The following CCDC171 variants were observed in gnomAD, a reference collection of about 807,000 sequenced individuals.
The protein encoded by CCDC171 is coiled-coil domain containing 171, also known as coiled-coil domain-containing protein 171.
In CCDC171, 177 loss-of-function variants were observed where a neutral mutation model predicts 168.2. That is an observed-to-expected ratio of 1.05 (90% CI 0.93 to 1.19). CCDC171 has a LOEUF of 1.19. Ranked by LOEUF, CCDC171 falls within the 50% of genes most tolerant of loss-of-function variation. The pLI, the probability that CCDC171 is intolerant of heterozygous loss-of-function variation, is 0.00. For missense variants in CCDC171, 1,991 were observed against 1,539.0 expected, an observed-to-expected ratio of 1.29 and a Z score of -4.91; for synonymous variants, 687 against 540.8, an observed-to-expected ratio of 1.27 and a Z score of -3.75.
intron 25 of CCDC171, among the ~76,000 whole-genome samples, chr9:15,938,686 C>T (rs1346935790): frequency 2.6e-5 from 4 of 151,842 alleles, no homozygotes; most frequent in African/African-American, 7.2e-5. Flanking sequence ...TTTCCCAGAA[C>T]TTTGGCTTAG....
chr9:15,888,780 C>T (rs971708422), intron 24 of CCDC171, among the ~76,000 whole-genome samples: 1 of 151,910 alleles, frequency 6.6e-6, no homozygotes, highest in Non-Finnish European at 1.5e-5. Flanking sequence ...TCTGAAATTC[C>T]ACACTCCAGA....
At chr9:15,690,324 G>A (rs894830461) in intron 10 of CCDC171, among the ~76,000 whole-genome samples, 5 of 152,118 alleles carry the variant, frequency 3.3e-5, no homozygotes, top group Non-Finnish European at 5.9e-5. Flanking sequence ...TAAGAGTTTG[G>A]TACTGACAAA....
chr9:15,982,302 A>C (rs984001394), intron 3 of CCDC171, among the ~76,000 whole-genome samples: 1 of 152,202 alleles, frequency 6.6e-6, no homozygotes, highest in Non-Finnish European at 1.5e-5. Context: ...TTAGAACCGT[A>C]TTCACTCACC....
At chr9:15,562,386 T>G (rs1420555492) in intron 1 of CCDC171, among the ~76,000 whole-genome samples, 1 of 152,148 alleles carries the variant, frequency 6.6e-6, no homozygotes, top group Non-Finnish European at 1.5e-5. Flanking sequence ...GTGGCATCCC[T>G]TCATCTTTGC....
chr9:16,108,235 G>C, the CCDC171 span, among the ~76,000 whole-genome samples: 1 of 152,212 alleles, frequency 6.6e-6, no homozygotes, highest in African/African-American at 2.4e-5. Context: ...CCAGTCATTT[G>C]TAGGAGTCTG....
In CCDC171 at chr9:15,691,544, T is replaced by TATATATATATATA. The variant is rs1554762170; in HGVS notation, c.1216-3691_1216-3690insATATATATATATA. 2.3e-3 allele frequency among the ~76,000 whole-genome samples: 203 copies of TATATATATATATA among 87,678 alleles called. 2 individuals are homozygous for TATATATATATATA. Among genetic ancestry groups the TATATATATATATA allele is most frequent in the African/African-American group, 0.01 (193 of 18,570 alleles). The allele number at this position is 87,678 out of a possible 152,430, so 57.5% of individuals were successfully genotyped here. A position where few individuals can be genotyped will look rare whatever the true frequency, so the allele number is the denominator to read the frequency against. Reference sequence around the variant, plus strand: ...TTAAAAATACCTGTAAATATATGTTTTTTATATATATATATATATATATAT... The same window carrying TATATATATATATA: ...TTAAAAATACCTGTAAATATATGTTTATATATATATATATTTATATATATATATATATATATAT... On this transcript the variant is annotated intron_variant, in intron 10 of 25. Coordinates refer to ENST00000380701, the MANE Select transcript of CCDC171 (RefSeq NM_173550.4).
chr9:15,982,275 C>T (rs1054557622), intron 3 of CCDC171, among the ~76,000 whole-genome samples: 10 of 152,138 alleles, frequency 6.6e-5, no homozygotes, highest in African/African-American at 1.9e-4. Context: ...TATGGCCCAG[C>T]GTAGTGATGT....
intron 3 of CCDC171, among the ~76,000 whole-genome samples, chr9:15,993,508 C>T (rs1024907169): frequency 5.3e-5 from 8 of 152,148 alleles, no homozygotes; most frequent in African/African-American, 1.7e-4. Flanking sequence ...AAAACCTAGG[C>T]AGTACCATTC....
At chr9:15,907,920 G>A (rs1203889225) in intron 24 of CCDC171, among the ~76,000 whole-genome samples, 1 of 152,170 alleles carries the variant, frequency 6.6e-6, no homozygotes, top group South Asian at 2.1e-4. Context: ...ATCATCACTG[G>A]CCATCAGAGA....
chr9:15,735,161 G>A (rs1015803681), intron 16 of CCDC171, among the ~76,000 whole-genome samples: 8 of 152,298 alleles, frequency 5.3e-5, no homozygotes, highest in Middle Eastern at 3.4e-3. Flanking sequence ...AATGAAATTT[G>A]TAGAGAAGGC....
At chr9:15,646,032 G>A (rs1441980120) in intron 7 of CCDC171, among the ~76,000 whole-genome samples, 1 of 152,220 alleles carries the variant, frequency 6.6e-6, no homozygotes, top group East Asian at 1.9e-4. Flanking sequence ...AAGCCCATCA[G>A]ACTAACAGTG....
chr9:15,692,858 C>T (rs1375054741), intron 10 of CCDC171, among the ~76,000 whole-genome samples: 3 of 147,204 alleles, frequency 2.0e-5, no homozygotes, highest in Non-Finnish European at 3.0e-5. Flanking sequence ...GATTCTAGGC[C>T]GGGCATGGTG....
chr9:15,766,521 A>G (rs1384291865), intron 18 of CCDC171, among the ~76,000 whole-genome samples: 1 of 152,056 alleles, frequency 6.6e-6, no homozygotes, highest in Non-Finnish European at 1.5e-5. Flanking sequence ...GAAATATGAG[A>G]TATTGGAGAA....
the CCDC171 span, among the ~76,000 whole-genome samples, chr9:16,071,952 A>C: frequency 6.6e-6 from 1 of 151,944 alleles, no homozygotes; most frequent in Non-Finnish European, 1.5e-5. Flanking sequence ...AACAAACCAA[A>C]TTCCTCACTG....
At chr9:16,008,972 A>G (rs1832783872) in intron 3 of CCDC171, among the ~76,000 whole-genome samples, 1 of 151,962 alleles carries the variant, frequency 6.6e-6, no homozygotes, top group South Asian at 2.1e-4. Flanking sequence ...GGCCCCCAAC[A>G]CTTCTTTTGC....
intron 8 of CCDC171, among the ~76,000 whole-genome samples, chr9:15,659,076 A>G (rs2048134533): frequency 6.6e-6 from 1 of 152,204 alleles, no homozygotes; most frequent in African/African-American, 2.4e-5. Context: ...GACAATGGTA[A>G]GTTTTGAACA....
chr9:15,869,911 A>C (rs149845033), intron 23 of CCDC171, among the ~76,000 whole-genome samples: 4 of 151,798 alleles, frequency 2.6e-5, no homozygotes, highest in Non-Finnish European at 5.9e-5. Context: ...TTAAAAAAAA[A>C]CTTTATAGGT....
At chr9:16,001,945 C>T (rs1832558808) in intron 3 of CCDC171, among the ~76,000 whole-genome samples, 1 of 150,818 alleles carries the variant, frequency 6.6e-6, no homozygotes, top group Admixed American at 6.6e-5. Flanking sequence ...TCAAACAGTC[C>T]TCCCACCTCA....
At chr9:15,605,415 C>T (rs1819389669) in intron 6 of CCDC171, among the ~76,000 whole-genome samples, 1 of 150,372 alleles carries the variant, frequency 6.7e-6, no homozygotes, top group Non-Finnish European at 1.5e-5. Flanking sequence ...CAGAGTGGCT[C>T]ATGCTTGTAA....
Sources: gnomAD v4.1 joint callset for allele counts (sites outside exome capture counted in the v4.1 genomes callset) on GRCh38, gnomAD v4.1.1 for gene constraint, MANE v1.5 for transcripts, NCBI Gene and HGNC (gene_info 2026-07-23, HGNC 2026-07-21) for gene names.